The following CHST11 variants were observed in gnomAD, a reference collection of about 807,000 sequenced individuals.
CHST11 encodes C4S-1.
In CHST11, 9 loss-of-function variants were observed where a neutral mutation model predicts 30.4. The ratio of observed to expected loss-of-function variants is 0.30; its 90% CI spans 0.18 to 0.52. CHST11 has a LOEUF of 0.52. Among genes scored for constraint, CHST11 ranks in the 20% least tolerant of loss-of-function variants. CHST11 has a pLI of 0.97. For synonymous variants in CHST11, 152 were observed against 187.8 expected (o/e 0.81, Z 1.56); for missense variants, 348 against 460.6 (o/e 0.76, Z 2.24).
chr12:104,497,709 C>A (rs1002837373), intron 1 of CHST11, among the ~76,000 whole-genome samples: 2 of 152,170 alleles, frequency 1.3e-5, no homozygotes, highest in African/African-American at 4.8e-5. Context: ...ATGTCCACAT[C>A]TGTCTTCTTT....
intron 2 of CHST11, among the ~76,000 whole-genome samples, chr12:104,674,046 CCT>C (rs1209469189): frequency 6.6e-6 from 1 of 152,188 alleles, no homozygotes; most frequent in Admixed American, 6.5e-5. Flanking sequence ...GATTTCCTCC[CCT>C]GAGTCTGATT....
chr12:104,537,815 C>G (rs374372353), intron 1 of CHST11, among the ~76,000 whole-genome samples: 133 of 151,488 alleles, frequency 8.8e-4, no homozygotes, highest in South Asian at 7.7e-3. Context: ...CACACCTCAG[C>G]CTCCTGAATG....
chr12:104,612,097 G>A (rs894266072), intron 2 of CHST11, among the ~76,000 whole-genome samples: 1 of 152,114 alleles, frequency 6.6e-6, no homozygotes, highest in African/African-American at 2.4e-5. Context: ...AATACGCACT[G>A]CGTGAAATGG....
At chr12:104,620,371 A>G (rs1252859710) in intron 2 of CHST11, among the ~76,000 whole-genome samples, 1 of 152,258 alleles carries the variant, frequency 6.6e-6, no homozygotes, top group Non-Finnish European at 1.5e-5. Flanking sequence ...GTTCAGAAGC[A>G]GCTGACATCC....
intron 1 of CHST11, among the ~76,000 whole-genome samples, chr12:104,497,466 A>T (rs1270258566): frequency 6.6e-6 from 1 of 152,198 alleles, no homozygotes; most frequent in Non-Finnish European, 1.5e-5. Context: ...GAACTGTGAG[A>T]ACGTAAAATT....
intron 2 of CHST11, among the ~76,000 whole-genome samples, chr12:104,682,268 A>G (rs2039804728): frequency 6.6e-6 from 1 of 152,222 alleles, no homozygotes; most frequent in Non-Finnish European, 1.5e-5. Flanking sequence ...GGGAGGGACA[A>G]AGTGAGGGAA....
intron 1 of CHST11, among the ~76,000 whole-genome samples, chr12:104,577,629 A>G (rs972914000): frequency 3.3e-5 from 5 of 152,182 alleles, no homozygotes; most frequent in Non-Finnish European, 5.9e-5. Flanking sequence ...TGATGAGTTC[A>G]TTGTCTGGTC....
In CHST11 at chr12:104,601,912, G is replaced by A. The variant is rs751265537; in HGVS notation, c.125G>A (p.Arg42Gln). ...YFQSMLHPVM[R>Q]RNPFGVDICC... ...CTTCACTTTCTTTCCTCAGTCATGCGGAGGAATCCCTTTGGTGTGGACATC... is the reference window on the plus strand; with the variant it reads ...CTTCACTTTCTTTCCTCAGTCATGCAGAGGAATCCCTTTGGTGTGGACATC... The change falls in exon 2 of 3, where the codon CGG becomes CAG. Residue 42 changes from arginine (R) to glutamine (Q), a missense_variant. Arg to Gln is a conservative substitution (Grantham distance 43). Transcript: ENST00000303694. The A allele has an allele frequency of 1.4e-5, 22 of 1,612,576 alleles. No individual in the cohort carries two copies. Among genetic ancestry groups the A allele is most frequent in the South Asian group, 1.3e-4 (12 of 90,972 alleles).
intron 2 of CHST11, among the ~76,000 whole-genome samples, chr12:104,611,007 C>T (rs2039055357): frequency 6.6e-6 from 1 of 152,206 alleles, no homozygotes; most frequent in Admixed American, 6.5e-5. Context: ...GAAACCTCCT[C>T]CAGGAAGCTC....
intron 2 of CHST11, among the ~76,000 whole-genome samples, chr12:104,648,562 C>T (rs2039459168): frequency 6.6e-6 from 1 of 152,136 alleles, no homozygotes; most frequent in Non-Finnish European, 1.5e-5. Flanking sequence ...ATAATCCCAG[C>T]ACTTTGGGAG....
chr12:104,551,060 T>A (rs1430682788), intron 1 of CHST11, among the ~76,000 whole-genome samples: 2 of 152,222 alleles, frequency 1.3e-5, no homozygotes, highest in Non-Finnish European at 2.9e-5. Context: ...TTAGCACTTT[T>A]CAGGCTTTGG....
At chr12:104,638,145 A>C (rs34492942) in intron 2 of CHST11, among the ~76,000 whole-genome samples, 19,118 of 152,126 alleles carry the variant, frequency 0.13, 2,586 homozygotes, top group African/African-American at 0.34. Context: ...GGGGAAAAGG[A>C]GGAGGAGAAA....
At chr12:104,479,780 G>C (rs937951199) in intron 1 of CHST11, among the ~76,000 whole-genome samples, 1 of 152,190 alleles carries the variant, frequency 6.6e-6, no homozygotes, top group Non-Finnish European at 1.5e-5. Context: ...GTTGCTAGAA[G>C]ACAAATGTGT....
At chr12:104,742,849 C>G (rs936696043) in intron 2 of CHST11, among the ~76,000 whole-genome samples, 27 of 152,226 alleles carry the variant, frequency 1.8e-4, no homozygotes, top group African/African-American at 5.3e-4. Context: ...GTGCCAGCGT[C>G]CCTCCCTCAT....
intron 2 of CHST11, among the ~76,000 whole-genome samples, chr12:104,641,377 G>A (rs2039375455): frequency 6.6e-6 from 1 of 152,128 alleles, no homozygotes; most frequent in Non-Finnish European, 1.5e-5. Flanking sequence ...GGGCTTCAGG[G>A]GTCATGGACA....
intron 1 of CHST11, among the ~76,000 whole-genome samples, chr12:104,551,319 C>T (rs1410423397): frequency 6.6e-6 from 1 of 152,074 alleles, no homozygotes; most frequent in Non-Finnish European, 1.5e-5. Flanking sequence ...ATCGGCACAC[C>T]AGGGTGAGGG....
chr12:104,740,332 A>G (rs2040336638), intron 2 of CHST11, among the ~76,000 whole-genome samples: 1 of 152,158 alleles, frequency 6.6e-6, no homozygotes, highest in South Asian at 2.1e-4. Flanking sequence ...GGTAGCAAAG[A>G]TGGTTTTTCT....
chr12:104,646,740 C>T (rs1431147774), intron 2 of CHST11, among the ~76,000 whole-genome samples: 2 of 152,194 alleles, frequency 1.3e-5, no homozygotes, highest in East Asian at 1.9e-4. Context: ...ACCCCTCTCC[C>T]GTCCCAGACT....
intron 2 of CHST11, among the ~76,000 whole-genome samples, chr12:104,652,452 C>T (rs1005362699): frequency 2.6e-5 from 4 of 152,170 alleles, no homozygotes; most frequent in South Asian, 2.1e-4. Flanking sequence ...GAGACAGTCA[C>T]GGGAGCAGCA....
Sources: gnomAD v4.1 joint callset for allele counts (sites outside exome capture counted in the v4.1 genomes callset) on GRCh38, gnomAD v4.1.1 for gene constraint, MANE v1.5 for transcripts, NCBI Gene and HGNC (gene_info 2026-07-23, HGNC 2026-07-21) for gene names.